Variants in PCOLCE2 observed in about 807,000 individuals in gnomAD.
PCOLCE2 encodes procollagen C-proteinase enhancer 2.
Under a neutral mutation model 47.0 loss-of-function variants are expected in PCOLCE2, and 42 were observed. The observed-to-expected ratio is 0.89, with a 90% CI of 0.70 to 1.16. The LOEUF (loss-of-function observed/expected upper bound fraction) is 1.16, where lower values mean the gene tolerates loss of function less well. PCOLCE2 is among the 50% of genes most tolerant of loss of function. The probability of loss-of-function intolerance (pLI) is 0.00; values close to 1 mark genes in which losing one functional copy is unlikely to be tolerated. For synonymous variants in PCOLCE2, 169 were observed against 191.7 expected, an observed-to-expected ratio of 0.88 and a Z score of 0.98; for missense variants, 500 against 526.1, an observed-to-expected ratio of 0.95 and a Z score of 0.49.
In PCOLCE2 at chr3:142,850,414, G is replaced by C. The variant is rs189479840; in HGVS notation, c.193-1942C>G. Among the ~76,000 whole-genome samples the C allele has an allele frequency of 9.0e-4, 137 of 152,282 alleles. 1 individual carries two copies. Among genetic ancestry groups the C allele is most frequent in the African/African-American group, 3.0e-3 (126 of 41,554 alleles). On this transcript the variant is annotated intron_variant, in intron 2 of 8. Transcript: ENST00000295992. ...TGAAGTCACTCCCAGAGTGAATGTG[G>C]ATAGAAAAAGGAAGAGGTCTAAGTA...
chr3:142,845,778 C>T (rs143385646), intron 3 of PCOLCE2, among the ~76,000 whole-genome samples: 1,667 of 152,254 alleles, frequency 0.011, 24 homozygotes, highest in African/African-American at 0.038. Flanking sequence ...AGTTCGAAAC[C>T]AGCCTGGCCA....
chr3:142,852,965 A>G (rs1932980208), intron 2 of PCOLCE2, among the ~76,000 whole-genome samples: 1 of 151,382 alleles, frequency 6.6e-6, no homozygotes, highest in Admixed American at 6.6e-5. Context: ...AATTAGCTGG[A>G]TGTGGTGGTG....
chr3:142,849,258 G>A (rs1421897435), intron 2 of PCOLCE2, among the ~76,000 whole-genome samples: 1 of 152,138 alleles, frequency 6.6e-6, no homozygotes, highest in African/African-American at 2.4e-5. Context: ...TTTGGCAATT[G>A]TGTAGTTAAT....
At chr3:142,827,406 T>G in intron 6 of PCOLCE2, 1 of 1,568,694 alleles carries the variant, frequency 6.4e-7, no homozygotes, top group Non-Finnish European at 8.8e-7. Flanking sequence ...ACAACCTTCT[T>G]GGAGCCAGAG....
At chr3:142,832,030 A>T (rs1937157270) in intron 5 of PCOLCE2, among the ~76,000 whole-genome samples, 1 of 152,208 alleles carries the variant, frequency 6.6e-6, no homozygotes, top group Admixed American at 6.5e-5. Flanking sequence ...TGCATTGGCA[A>T]ATCCCAAGAA....
chr3:142,886,478 C>A (rs535512168), intron 2 of PCOLCE2, among the ~76,000 whole-genome samples: 2 of 152,252 alleles, frequency 1.3e-5, no homozygotes, highest in African/African-American at 4.8e-5. Context: ...TCTATGACTT[C>A]TTTCCTGGCC....
At chr3:142,869,339 C>T (rs145169772) in intron 2 of PCOLCE2, among the ~76,000 whole-genome samples, 14 of 151,732 alleles carry the variant, frequency 9.2e-5, no homozygotes, top group African/African-American at 3.1e-4. Context: ...ACAAAACAGA[C>T]TCTTTGTAGC....
chr3:142,832,753 C>G (rs562541684), intron 5 of PCOLCE2, among the ~76,000 whole-genome samples: 44 of 151,836 alleles, frequency 2.9e-4, no homozygotes, highest in African/African-American at 1.0e-3. Flanking sequence ...GAACAGAATT[C>G]AATGGCATTG....
chr3:142,874,163 C>T (rs1249792820), intron 2 of PCOLCE2, among the ~76,000 whole-genome samples: 1 of 152,178 alleles, frequency 6.6e-6, no homozygotes, highest in Non-Finnish European at 1.5e-5. Flanking sequence ...GCAACCTCCA[C>T]CTCCCGGGTT....
chr3:142,865,620 C>T (rs1933269719), intron 2 of PCOLCE2, among the ~76,000 whole-genome samples: 1 of 152,154 alleles, frequency 6.6e-6, no homozygotes, highest in Non-Finnish European at 1.5e-5. Flanking sequence ...AAAGAAACAA[C>T]ATCCTGTGAA....
intron 3 of PCOLCE2, chr3:142,846,817 TA>T (rs1262496239): frequency 6.6e-6 from 1 of 152,214 alleles, no homozygotes; most frequent in Non-Finnish European, 1.5e-5. Context: ...ATTTATTTTT[TA>T]ATAGTTCCTG....
chr3:142,823,674 A>G (rs1398282559), intron 6 of PCOLCE2, 59 bp from the exon 7 acceptor site: 2 of 942,268 alleles, frequency 2.1e-6, no homozygotes, highest in Admixed American at 3.9e-5. Flanking sequence ...ATTGGTCTTT[A>G]GTTCTGAATC....
chr3:142,829,560 A>T (rs1468177728), intron 6 of PCOLCE2, 132 bp downstream of exon 6: 5 of 642,992 alleles, frequency 7.8e-6, no homozygotes, highest in Non-Finnish European at 1.3e-5. Flanking sequence ...CAGTCATATT[A>T]TTCTCTTACC....
At position 142,887,760 on chromosome 3, in the gene PCOLCE2, C is replaced by A. The variant is rs200265284; in HGVS notation, c.101G>T (p.Gly34Val). The change falls in exon 2 of 9, where the codon GGT becomes GTT. Residue 34 changes from glycine to valine, a missense_variant. Physicochemically the swap from Gly to Val is moderately radical, Grantham distance 109. Coordinates refer to ENST00000295992, the MANE Select transcript of PCOLCE2 (RefSeq NM_013363.4). ...QSPERPVFTC[G>V]GILTGESGFI... ...TCCAGACTCTCCAGTAAGAATGCCA[C>A]CACATGTGAAAACAGGTCTGGGAAC... 19 of 1,597,570 alleles carry A rather than the reference C, an allele frequency of 1.2e-5. No homozygotes were observed. In the East Asian group the frequency reaches 3.8e-4, roughly 32 times the overall value.
intron 2 of PCOLCE2, among the ~76,000 whole-genome samples, chr3:142,851,020 G>A (rs965378360): frequency 1.3e-5 from 2 of 152,158 alleles, no homozygotes; most frequent in African/African-American, 4.8e-5. Flanking sequence ...TAGGAGCAGG[G>A]ACAGTTTTGC....
At chr3:142,832,212 C>A (rs1186013127) in intron 5 of PCOLCE2, among the ~76,000 whole-genome samples, 11 of 152,160 alleles carry the variant, frequency 7.2e-5, no homozygotes, top group Admixed American at 7.2e-4. Context: ...ATTTCTACCA[C>A]CCTTCTCCAC....
At chr3:142,835,794 A>G (rs1404604132) in intron 5 of PCOLCE2, among the ~76,000 whole-genome samples, 2 of 151,964 alleles carry the variant, frequency 1.3e-5, no homozygotes. Context: ...GGTGCATGCC[A>G]CCATTCCCAG....
At chr3:142,864,719 AGAC>A (rs1560138931) in intron 2 of PCOLCE2, among the ~76,000 whole-genome samples, 1 of 152,196 alleles carries the variant, frequency 6.6e-6, no homozygotes, top group African/African-American at 2.4e-5. Flanking sequence ...CTGTCTCTAT[AGAC>A]TTGCCTTTTC....
At chr3:142,861,504 C>T (rs1933182469) in intron 2 of PCOLCE2, among the ~76,000 whole-genome samples, 1 of 152,038 alleles carries the variant, frequency 6.6e-6, no homozygotes, top group African/African-American at 2.4e-5. Flanking sequence ...ATTTTTTTAT[C>T]TCTATTATCA....
Sources: gnomAD v4.1 joint callset for allele counts (sites outside exome capture counted in the v4.1 genomes callset) on GRCh38, gnomAD v4.1.1 for gene constraint, MANE v1.5 for transcripts, NCBI Gene and HGNC (gene_info 2026-07-23, HGNC 2026-07-21) for gene names.